Variants in IL1RAPL2 observed in about 807,000 individuals in gnomAD.
IL1RAPL2 encodes interleukin 1 receptor accessory protein like 2.
In IL1RAPL2, 3 loss-of-function variants were observed where a neutral mutation model predicts 44.1. That is an observed-to-expected ratio of 0.07 (90% CI 0.03 to 0.18). The LOEUF (loss-of-function observed/expected upper bound fraction) is 0.18, where lower values mean the gene tolerates loss of function less well. Among genes scored for constraint, IL1RAPL2 ranks in the 10% least tolerant of loss-of-function variants. The pLI is 1.00. For missense variants in IL1RAPL2, 391 were observed against 496.4 expected, an observed-to-expected ratio of 0.79 and a Z score of 2.02; for synonymous variants, 181 against 178.8, an observed-to-expected ratio of 1.01 and a Z score of -0.10.
At chrX:105,408,650 A>C (rs1048428281) in intron 5 of IL1RAPL2, among the ~76,000 whole-genome samples, 4 of 111,738 alleles carry the variant, frequency 3.6e-5, no homozygotes, top group African/African-American at 1.3e-4. Flanking sequence ...TATTGTATTG[A>C]GAGATAATCT....
At chrX:104,847,909 A>G (rs1003976964) in intron 2 of IL1RAPL2, among the ~76,000 whole-genome samples, 3 of 110,880 alleles carry the variant, frequency 2.7e-5, no homozygotes, top group Admixed American at 9.6e-5. Flanking sequence ...GGTCCTTCAC[A>G]TCCCTTGTAA....
intron 6 of IL1RAPL2, among the ~76,000 whole-genome samples, chrX:105,710,224 T>C (rs1267173876): frequency 9.0e-6 from 1 of 110,844 alleles, no homozygotes; most frequent in Non-Finnish European, 1.9e-5. Flanking sequence ...GTCTATCTCT[T>C]TCTCTCTCCC....
In IL1RAPL2 at chrX:105,105,147, T is replaced by C. The variant is rs576937314; in HGVS notation, c.83-90328T>C. 4.5e-5 allele frequency among the ~76,000 whole-genome samples: 5 copies of C among 111,641 alleles called. No homozygotes were observed. In the South Asian group the frequency reaches 1.5e-3, roughly 34 times the overall value. On this transcript the variant is annotated intron_variant, in intron 2 of 10. Coordinates refer to ENST00000372582, the MANE Select transcript of IL1RAPL2 (RefSeq NM_017416.2). ...ACAAAAATCAATTATGCCCATCTTATAGATGAGGATATGAGGCTTTGGAAT... is the reference window on the plus strand; with the variant it reads ...ACAAAAATCAATTATGCCCATCTTACAGATGAGGATATGAGGCTTTGGAAT...
intron 9 of IL1RAPL2, 31 bp from the exon 10 acceptor site, chrX:105,755,146 T>TA: frequency 9.3e-7 from 1 of 1,069,966 alleles, no homozygotes; most frequent in Non-Finnish European, 1.3e-6. Context: ...TGTTAATAGT[T>TA]ACAACCCTTT....
intron 5 of IL1RAPL2, among the ~76,000 whole-genome samples, chrX:105,357,383 A>G (rs905291795): frequency 1.8e-5 from 2 of 111,944 alleles, no homozygotes; most frequent in African/African-American, 6.5e-5. Flanking sequence ...ATCTAAAAGT[A>G]TTATAATTAT....
Position 105,466,689 on chromosome X carries a change from A to G in IL1RAPL2, c.698-17624A>G, listed in dbSNP as rs751947510. 4.5e-5 allele frequency among the ~76,000 whole-genome samples: 5 copies of G among 112,243 alleles called. No individual in the cohort carries two copies. The East Asian group carries it at 8.4e-4, about 19-fold the overall frequency. On this transcript the variant is annotated intron_variant, in intron 5 of 10. Transcript: ENST00000372582. Reference sequence around the variant, plus strand: ...GCCTTGATGCAAATGAAGTGTCTCAATGATCTTGTTGCTTCACTAAAGCAT... The same window carrying G: ...GCCTTGATGCAAATGAAGTGTCTCAGTGATCTTGTTGCTTCACTAAAGCAT...
intron 2 of IL1RAPL2, among the ~76,000 whole-genome samples, chrX:104,994,624 A>G (rs765817459): frequency 1.5e-4 from 17 of 111,508 alleles, no homozygotes; most frequent in South Asian, 1.5e-3. Flanking sequence ...TATCTAGTTC[A>G]TTATCAGGCC....
chrX:104,951,740 T>C (rs774755405), intron 2 of IL1RAPL2, among the ~76,000 whole-genome samples: 2 of 112,484 alleles, frequency 1.8e-5, no homozygotes, highest in African/African-American at 6.4e-5. Context: ...TTGTCTTAAT[T>C]TCTTCAACTG....
intron 1 of IL1RAPL2, among the ~76,000 whole-genome samples, chrX:104,620,710 G>A (rs1929376473): frequency 2.1e-5 from 2 of 95,500 alleles, no homozygotes; most frequent in Non-Finnish European, 4.1e-5. Context: ...TTGGAAGACA[G>A]TAATAGGTAG....
intron 2 of IL1RAPL2, among the ~76,000 whole-genome samples, chrX:104,686,727 C>T (rs554921520): frequency 2.1e-4 from 24 of 112,184 alleles, no homozygotes; most frequent in African/African-American, 6.8e-4. Flanking sequence ...TGTTGGTGAA[C>T]ATAAATACAC....
intron 2 of IL1RAPL2, among the ~76,000 whole-genome samples, chrX:104,731,220 T>G (rs1343815700): frequency 1.0e-4 from 11 of 109,619 alleles, no homozygotes; most frequent in African/African-American, 2.3e-4. Flanking sequence ...CTCTTTAGTT[T>G]AATTAGATCC....
rs999718719 is a variant in IL1RAPL2 at position 105,453,202 on chromosome X, T to G, written c.698-31111T>G. On this transcript the variant is annotated intron_variant, in intron 5 of 10. Transcript: ENST00000372582. ...GTCCATCAATCAAAGGTCTTATACC[T>G]TCACATTGACACAACAGCACACACA... 2.7e-5 allele frequency among the ~76,000 whole-genome samples: 3 copies of G among 111,992 alleles called. No individual in the cohort carries two copies. In the East Asian group the frequency reaches 8.5e-4, roughly 32 times the overall value.
At chrX:105,096,646 CAT>C (rs2032606671) in intron 2 of IL1RAPL2, among the ~76,000 whole-genome samples, 1 of 111,544 alleles carries the variant, frequency 9.0e-6, no homozygotes, top group South Asian at 3.7e-4. Flanking sequence ...CCAGAATAGG[CAT>C]AGAGACAAAA....
chrX:105,169,492 CTTTTTTTTTTTTTTTTTTTT>C (rs748101220), intron 2 of IL1RAPL2, among the ~76,000 whole-genome samples: 2 of 41,587 alleles, frequency 4.8e-5, no homozygotes, highest in African/African-American at 2.8e-4. Context: ...TTCTTTCTTT[CTTTTTTTTTTTTTTTTTTTT>C]TTTTTTTTTT....
intron 6 of IL1RAPL2, among the ~76,000 whole-genome samples, chrX:105,554,169 G>A (rs972295919): frequency 1.8e-5 from 2 of 112,485 alleles, no homozygotes; most frequent in Middle Eastern, 4.7e-3. Context: ...TATTTCTAAG[G>A]AATCCTGAAA....
rs1928899769 is a variant in IL1RAPL2, at chrX:104,602,314, TGGTATTCA to T, written c.-20+35264_-20+35271del. On this transcript the variant is annotated intron_variant, in intron 1 of 10. Transcript: ENST00000372582. Reference sequence around the variant, plus strand: ...TGGCCCAGATACTGCACTCATACCATGGTATTCACAACCCGCAAACCAGGAGATTCCCT... The same window carrying T: ...TGGCCCAGATACTGCACTCATACCATCAACCCGCAAACCAGGAGATTCCCT... Among the ~76,000 whole-genome samples the T allele has an allele frequency of 2.7e-5, 3 of 111,655 alleles. No homozygotes were observed. The Admixed American group carries it at 2.8e-4, about 11-fold the overall frequency.
At chrX:105,433,811 C>G (rs2035863928) in intron 5 of IL1RAPL2, among the ~76,000 whole-genome samples, 1 of 110,755 alleles carries the variant, frequency 9.0e-6, no homozygotes, top group Non-Finnish European at 1.9e-5. Context: ...ATGGACCAGA[C>G]AGAAATGCAA....
chrX:105,409,663 A>C (rs1335217757), intron 5 of IL1RAPL2, among the ~76,000 whole-genome samples: 1 of 110,981 alleles, frequency 9.0e-6, no homozygotes, highest in African/African-American at 3.3e-5. Context: ...TTCCAGGCTC[A>C]TATTATGTGA....
intron 2 of IL1RAPL2, among the ~76,000 whole-genome samples, chrX:104,753,206 A>G (rs1932289943): frequency 9.2e-6 from 1 of 109,132 alleles, no homozygotes; most frequent in African/African-American, 3.3e-5. Flanking sequence ...AAGATGCTCA[A>G]CAAGTACTTA....
Sources: allele counts gnomAD v4.1 joint callset (sites outside exome capture counted in the v4.1 genomes callset), GRCh38; gene constraint gnomAD v4.1.1; transcripts MANE v1.5; gene names NCBI Gene and HGNC (gene_info 2026-07-23, HGNC 2026-07-21).